DPYD: variants seen among roughly 807,000 people sequenced by gnomAD.
DPYD encodes dihydropyrimidine dehydrogenase [NADP(+)].
DPYD carries 109 observed loss-of-function variants against 116.2 expected under a neutral mutation model. The ratio of observed to expected loss-of-function variants is 0.94; its 90% CI spans 0.80 to 1.10. DPYD has a LOEUF of 1.10. Among genes scored for constraint, DPYD ranks in the 50% least tolerant of loss-of-function variants. The pLI is 0.00. For missense variants in DPYD, 1,302 were observed against 1,254.5 expected, an observed-to-expected ratio of 1.04 and a Z score of -0.57; for synonymous variants, 440 against 432.0, an observed-to-expected ratio of 1.02 and a Z score of -0.23.
intron 16 of DPYD, among the ~76,000 whole-genome samples, chr1:97,327,639 C>T (rs1668773695): frequency 1.3e-5 from 2 of 151,790 alleles, no homozygotes; most frequent in Admixed American, 6.6e-5. Context: ...GTTATATATC[C>T]TTCATTTTTA....
intron 20 of DPYD, among the ~76,000 whole-genome samples, chr1:97,134,181 A>G (rs1316853989): frequency 2.0e-5 from 3 of 151,102 alleles, no homozygotes; most frequent in Non-Finnish European, 4.4e-5. Context: ...AGGGTTTTAT[A>G]TAGCTGGCTC....
intron 8 of DPYD, among the ~76,000 whole-genome samples, chr1:97,599,787 G>A (rs1456053937): frequency 1.4e-5 from 2 of 141,210 alleles, no homozygotes; most frequent in East Asian, 2.2e-4. Flanking sequence ...ACTTTGTGAG[G>A]CCAAGGTGGG....
intron 1 of DPYD, 108 bp from the exon 2 acceptor site, chr1:97,883,482 T>C (rs886347476): frequency 4.6e-6 from 4 of 867,810 alleles, no homozygotes; most frequent in Non-Finnish European, 7.2e-6. Flanking sequence ...TCTCTCACTT[T>C]GTCACCCAGG....
chr1:97,863,713 T>A (rs971954279), intron 2 of DPYD, among the ~76,000 whole-genome samples: 1 of 151,864 alleles, frequency 6.6e-6, no homozygotes, highest in East Asian at 1.9e-4. Context: ...TAAGTTACAA[T>A]GTGATATATA....
At chr1:97,853,942 G>GA (rs1256916040) in intron 2 of DPYD, among the ~76,000 whole-genome samples, 9 of 151,816 alleles carry the variant, frequency 5.9e-5, no homozygotes, top group Admixed American at 3.3e-4. Flanking sequence ...TCTCATATAA[G>GA]AAAAAAAATG....
At chr1:97,528,510 A>G (rs1441921208) in intron 12 of DPYD, among the ~76,000 whole-genome samples, 1 of 152,218 alleles carries the variant, frequency 6.6e-6, no homozygotes, top group South Asian at 2.1e-4. Context: ...TCCATGTCCC[A>G]TCTTTCTCCA....
intron 8 of DPYD, among the ~76,000 whole-genome samples, chr1:97,628,217 T>C (rs1657047341): frequency 6.6e-6 from 1 of 152,052 alleles, no homozygotes; most frequent in Non-Finnish European, 1.5e-5. Flanking sequence ...ATACCCTCCA[T>C]CTATATTCTA....
intron 19 of DPYD, 146 bp from the exon 20 acceptor site, chr1:97,193,394 G>C: frequency 1.2e-6 from 1 of 824,718 alleles, no homozygotes. Context: ...TGGAGATGGG[G>C]GTGGTGGGGA....
chr1:97,688,742 C>A (rs140228986), intron 7 of DPYD, among the ~76,000 whole-genome samples: 1 of 151,748 alleles, frequency 6.6e-6, no homozygotes, highest in African/African-American at 2.4e-5. Context: ...CTGTTCCCTG[C>A]GATATTTCTG....
At chr1:97,859,416 T>C (rs979935464) in intron 2 of DPYD, among the ~76,000 whole-genome samples, 2 of 152,194 alleles carry the variant, frequency 1.3e-5, no homozygotes, top group East Asian at 3.9e-4. Context: ...ATGGGGAACA[T>C]GGGCTGTACA....
chr1:97,836,127 G>T (rs1043408773), intron 2 of DPYD, among the ~76,000 whole-genome samples: 3 of 152,148 alleles, frequency 2.0e-5, no homozygotes, highest in African/African-American at 7.2e-5. Flanking sequence ...AGACTAAGTG[G>T]TGTCTAAGCA....
intron 11 of DPYD, 46 bp from the exon 12 acceptor site, chr1:97,549,790 C>T (rs780310013): frequency 7.3e-6 from 11 of 1,498,412 alleles, no homozygotes; most frequent in Admixed American, 6.9e-5. Context: ...AGTCAACAGA[C>T]AATTCCATAA....
intron 8 of DPYD, among the ~76,000 whole-genome samples, chr1:97,641,503 T>C (rs1657903113): frequency 6.6e-6 from 1 of 152,128 alleles, no homozygotes; most frequent in African/African-American, 2.4e-5. Flanking sequence ...AAAAGCCACA[T>C]GATTATCTCA....
intron 2 of DPYD, among the ~76,000 whole-genome samples, chr1:97,857,903 G>A (rs894806058): frequency 6.6e-6 from 1 of 151,938 alleles, no homozygotes; most frequent in Non-Finnish European, 1.5e-5. Context: ...AATAATGTTA[G>A]TCTGACTAGG....
intron 3 of DPYD, among the ~76,000 whole-genome samples, chr1:97,773,254 T>G (rs1666233171): frequency 6.6e-6 from 1 of 152,224 alleles, no homozygotes. Context: ...GTGGTTCAAG[T>G]AAAATTTGAA....
chr1:97,242,943 GA>G (rs1662475583), intron 18 of DPYD, among the ~76,000 whole-genome samples: 1 of 151,466 alleles, frequency 6.6e-6, no homozygotes, highest in Non-Finnish European at 1.5e-5. Flanking sequence ...GGATAATCAT[GA>G]AAAAAAGGGC....
At chr1:97,251,521 T>C (rs1364833167) in intron 18 of DPYD, among the ~76,000 whole-genome samples, 1 of 152,054 alleles carries the variant, frequency 6.6e-6, no homozygotes, top group Non-Finnish European at 1.5e-5. Flanking sequence ...AATGTCAACT[T>C]AGATGACCCA....
chr1:97,760,411 A>G (rs1408689565), intron 3 of DPYD, among the ~76,000 whole-genome samples: 1 of 152,094 alleles, frequency 6.6e-6, no homozygotes, highest in African/African-American at 2.4e-5. Context: ...TTCAAAAATA[A>G]ATTTCAAAAA....
chr1:97,713,721 T>C (rs941436195), intron 5 of DPYD, among the ~76,000 whole-genome samples: 3 of 152,168 alleles, frequency 2.0e-5, no homozygotes, highest in African/African-American at 4.8e-5. Context: ...ATTTATCTTA[T>C]TAGTGCTTAA....
Sources: allele counts gnomAD v4.1 joint callset (sites outside exome capture counted in the v4.1 genomes callset), GRCh38; gene constraint gnomAD v4.1.1; transcripts MANE v1.5; gene names NCBI Gene and HGNC (gene_info 2026-07-23, HGNC 2026-07-21).